The following EML1 variants were observed in gnomAD, a reference collection of about 807,000 sequenced individuals.
The protein encoded by EML1 is echinoderm microtubule-associated protein-like 1.
EML1 carries 27 observed loss-of-function variants against 110.4 expected under a neutral mutation model. The observed-to-expected ratio is 0.24, with a 90% confidence interval of 0.18 to 0.34. The LOEUF (loss-of-function observed/expected upper bound fraction) is 0.34. EML1 is among the 10% of genes least tolerant of loss of function. The pLI, the probability that EML1 is intolerant of heterozygous loss-of-function variation, is 1.00. For missense variants in EML1, 741 were observed against 1,030.9 expected (o/e 0.72, Z 3.85); for synonymous variants, 344 against 385.8 (o/e 0.89, Z 1.27).
At chr14:99,878,693 A>G (rs2059335811) in intron 4 of EML1, 74 bp downstream of exon 4, 1 of 1,527,182 alleles carries the variant, frequency 6.5e-7, no homozygotes, top group South Asian at 1.3e-5. Context: ...AGGAGTCAGA[A>G]GATCCCCTCA....
chr14:99,884,564 G>A (rs2059442916), intron 4 of EML1, among the ~76,000 whole-genome samples: 1 of 152,160 alleles, frequency 6.6e-6, no homozygotes, highest in African/African-American at 2.4e-5. Context: ...TAGAAAAATG[G>A]TAAAGGGTCT....
intron 1 of EML1, among the ~76,000 whole-genome samples, chr14:99,783,149 C>A (rs8021724): frequency 8.6e-6 from 1 of 116,292 alleles, no homozygotes; most frequent in Non-Finnish European, 1.7e-5. Context: ...CCCCTCCCCC[C>A]ACCCACAACA....
chr14:99,846,985 G>C (rs1186801420), intron 1 of EML1, among the ~76,000 whole-genome samples: 2 of 152,222 alleles, frequency 1.3e-5, no homozygotes, highest in East Asian at 3.9e-4. Context: ...TAAAACAGTG[G>C]TTTTAAAGCT....
intron 1 of EML1, among the ~76,000 whole-genome samples, chr14:99,774,347 C>T (rs1391734950): frequency 6.6e-6 from 1 of 152,182 alleles, no homozygotes; most frequent in South Asian, 2.1e-4. Context: ...TGTTCTTAGG[C>T]AGCTCTGGGG....
intron 1 of EML1, among the ~76,000 whole-genome samples, chr14:99,739,863 A>AT (rs779279100): frequency 1.4e-4 from 22 of 152,134 alleles, no homozygotes; most frequent in African/African-American, 2.2e-4. Context: ...TCAGTAACCG[A>AT]TCCCCAAGCC....
intron 13 of EML1, among the ~76,000 whole-genome samples, chr14:99,913,426 C>G (rs1026918603): frequency 1.3e-5 from 2 of 151,904 alleles, no homozygotes; most frequent in Admixed American, 6.6e-5. Flanking sequence ...ATCCACCTAC[C>G]TCGGCCCCCC....
intron 1 of EML1, among the ~76,000 whole-genome samples, chr14:99,828,461 T>C (rs1566886152): frequency 1.3e-5 from 2 of 152,186 alleles, no homozygotes; most frequent in South Asian, 2.1e-4. Flanking sequence ...ATTTTACCAG[T>C]AGTGGCCTCA....
intron 1 of EML1, among the ~76,000 whole-genome samples, chr14:99,779,929 GC>G (rs1306017676): frequency 1.3e-5 from 2 of 152,192 alleles, no homozygotes; most frequent in African/African-American, 2.4e-5. Context: ...ACCTTGGGCT[GC>G]CATAGCAAAA....
intron 1 of EML1, among the ~76,000 whole-genome samples, chr14:99,819,553 C>T (rs977410003): frequency 4.6e-5 from 7 of 152,134 alleles, no homozygotes; most frequent in African/African-American, 1.4e-4. Context: ...TGGGTGGCCA[C>T]GACGGAAATG....
chr14:99,761,028 G>A (rs1372408759), intron 1 of EML1, among the ~76,000 whole-genome samples: 3 of 152,190 alleles, frequency 2.0e-5, no homozygotes, highest in South Asian at 2.1e-4. Context: ...ACCAAGGCTC[G>A]TAAAGTGTTT....
intron 3 of EML1, among the ~76,000 whole-genome samples, chr14:99,872,735 A>G (rs941596037): frequency 2.0e-5 from 3 of 152,198 alleles, no homozygotes; most frequent in African/African-American, 7.2e-5. Flanking sequence ...GAATTTTGAA[A>G]ACAGAAAGAA....
At chr14:99,914,367 A>G (rs1008059384) in intron 14 of EML1, 63 bp downstream of exon 14, 18 of 1,576,974 alleles carry the variant, frequency 1.1e-5, no homozygotes, top group Non-Finnish European at 1.5e-5. Context: ...GACCCTAATC[A>G]AGCATTACAA....
At chr14:99,839,855 A>G (rs1232548311) in intron 1 of EML1, among the ~76,000 whole-genome samples, 1 of 152,204 alleles carries the variant, frequency 6.6e-6, no homozygotes, top group Non-Finnish European at 1.5e-5. Flanking sequence ...GGTGAGCAGG[A>G]CACAGGGTTC....
intron 12 of EML1, 91 bp downstream of exon 12, chr14:99,910,432 C>T (rs747946282): frequency 9.1e-6 from 9 of 984,804 alleles, no homozygotes; most frequent in African/African-American, 3.3e-5. Flanking sequence ...ATTAATACAA[C>T]GTACAGGAGT....
chr14:99,869,857 G>A (rs74824009), intron 3 of EML1, among the ~76,000 whole-genome samples: 105 of 152,278 alleles, frequency 6.9e-4, no homozygotes, highest in African/African-American at 2.2e-3. Context: ...GCCAAAGGAC[G>A]TGCCTGCTCC....
intron 4 of EML1, among the ~76,000 whole-genome samples, chr14:99,881,811 G>A (rs956061502): frequency 6.6e-6 from 1 of 152,034 alleles, no homozygotes; most frequent in Admixed American, 6.6e-5. Context: ...ACATTGGCCA[G>A]GATGGTCTCG....
At chr14:99,813,179 C>T (rs2058110606) in intron 1 of EML1, among the ~76,000 whole-genome samples, 1 of 152,122 alleles carries the variant, frequency 6.6e-6, no homozygotes, top group Non-Finnish European at 1.5e-5. Context: ...GAAATATCAG[C>T]CCTGTCAATT....
At chr14:99,882,752 C>T (rs1055737603) in intron 4 of EML1, among the ~76,000 whole-genome samples, 2 of 151,498 alleles carry the variant, frequency 1.3e-5, no homozygotes, top group African/African-American at 4.8e-5. Context: ...CGTCCTGGGC[C>T]GCATGTGGCC....
intron 13 of EML1, among the ~76,000 whole-genome samples, chr14:99,913,195 A>G (rs1461399449): frequency 1.3e-5 from 2 of 151,868 alleles, no homozygotes; most frequent in South Asian, 4.2e-4. Context: ...AATTATTATT[A>G]TTTTCAGACA....
Sources: gnomAD v4.1 joint callset for allele counts (sites outside exome capture counted in the v4.1 genomes callset) on GRCh38, gnomAD v4.1.1 for gene constraint, MANE v1.5 for transcripts, NCBI Gene and HGNC (gene_info 2026-07-23, HGNC 2026-07-21) for gene names.